The following SUGCT variants were observed in gnomAD, a reference collection of about 807,000 sequenced individuals.
SUGCT encodes succinyl-CoA:glutarate CoA-transferase.
In SUGCT, 41 loss-of-function variants were observed where a neutral mutation model predicts 55.0. The observed-to-expected ratio is 0.74, with a 90% CI of 0.58 to 0.97. SUGCT has a LOEUF of 0.97. SUGCT is among the 50% of genes least tolerant of loss of function. SUGCT has a pLI of 0.00. For missense variants in SUGCT, 568 were observed against 547.8 expected, an observed-to-expected ratio of 1.04 and a Z score of -0.37; for synonymous variants, 187 against 200.4, an observed-to-expected ratio of 0.93 and a Z score of 0.56.
At chr7:40,543,196 G>A (rs190606695) in intron 12 of SUGCT, among the ~76,000 whole-genome samples, 8 of 152,112 alleles carry the variant, frequency 5.3e-5, no homozygotes, top group African/African-American at 1.9e-4. Flanking sequence ...AAACATCTGG[G>A]ATTGGGCTTC....
At chr7:40,896,910 G>A in the SUGCT span, among the ~76,000 whole-genome samples, 7 of 151,974 alleles carry the variant, frequency 4.6e-5, no homozygotes, top group Non-Finnish European at 8.8e-5. Context: ...AAGCAATCTC[G>A]AACAAAAAGA....
intron 11 of SUGCT, among the ~76,000 whole-genome samples, chr7:40,465,082 C>T (rs1790030272): frequency 6.6e-6 from 1 of 152,168 alleles, no homozygotes; most frequent in African/African-American, 2.4e-5. Flanking sequence ...ATAAATAAAA[C>T]TAACAGCATT....
intron 13 of SUGCT, among the ~76,000 whole-genome samples, chr7:40,749,719 C>G (rs1787911481): frequency 1.3e-5 from 2 of 152,156 alleles, no homozygotes. Flanking sequence ...GCCACGATGA[C>G]AAAAAAATGC....
rs190565585 is a variant in SUGCT at position 40,449,560 on chromosome 7, C to T, written c.888+202C>T. Among the ~76,000 whole-genome samples the T allele has an allele frequency of 8.6e-3, 1,304 of 152,222 alleles. 20 individuals are homozygous for T. The highest frequency in any genetic ancestry group is 0.029 in the African/African-American group (1,224 of 41,536). ...TTGGCTGTATTTTAAAGTGAAGAAT[C>T]GTAGTAGCTTAAATTGTCCTAAAAC... On this transcript the variant is annotated intron_variant, in intron 10 of 13. Coordinates refer to ENST00000335693, the MANE Select transcript of SUGCT (RefSeq NM_001193313.2).
At chr7:40,925,259 A>G in the SUGCT span, among the ~76,000 whole-genome samples, 1 of 152,234 alleles carries the variant, frequency 6.6e-6, no homozygotes, top group African/African-American at 2.4e-5. Flanking sequence ...ATTCACACTG[A>G]AAATGGTTTC....
intron 8 of SUGCT, among the ~76,000 whole-genome samples, chr7:40,307,375 A>G (rs982863059): frequency 2.6e-5 from 4 of 152,194 alleles, no homozygotes; most frequent in Non-Finnish European, 5.9e-5. Context: ...TTCTTTACCA[A>G]GTAGTAAGTT....
intron 9 of SUGCT, among the ~76,000 whole-genome samples, chr7:40,317,807 A>C (rs1795521087): frequency 6.6e-6 from 1 of 152,190 alleles, no homozygotes; most frequent in South Asian, 2.1e-4. Flanking sequence ...ATTTGAGGAA[A>C]GCACTGACCC....
chr7:40,337,056 A>AT (rs1265432620), intron 9 of SUGCT, among the ~76,000 whole-genome samples: 1 of 152,036 alleles, frequency 6.6e-6, no homozygotes. Context: ...TAGTTGAGCG[A>AT]TTTTGAGTGA....
intron 8 of SUGCT, among the ~76,000 whole-genome samples, chr7:40,285,645 C>G (rs1293686643): frequency 2.6e-5 from 4 of 152,058 alleles, no homozygotes; most frequent in African/African-American, 9.7e-5. Flanking sequence ...ATTATGCCAT[C>G]ATTGTAGCTA....
chr7:41,022,414 GT>G, the SUGCT span, among the ~76,000 whole-genome samples: 7 of 152,122 alleles, frequency 4.6e-5, no homozygotes, highest in African/African-American at 1.7e-4. Context: ...ATGAATGGGA[GT>G]TTCTTCTTTA....
chr7:41,010,477 C>A, the SUGCT span, among the ~76,000 whole-genome samples: 4 of 152,324 alleles, frequency 2.6e-5, no homozygotes, highest in South Asian at 8.3e-4. Context: ...GAACTTGTTC[C>A]TTCTCTGTAG....
At chr7:40,973,875 C>G in the SUGCT span, among the ~76,000 whole-genome samples, 2 of 152,220 alleles carry the variant, frequency 1.3e-5, no homozygotes, top group Non-Finnish European at 2.9e-5. Context: ...GAGCTCCTCT[C>G]TCTTTCATCC....
At chr7:40,850,687 T>A (rs991747961) in intron 13 of SUGCT, among the ~76,000 whole-genome samples, 12 of 152,330 alleles carry the variant, frequency 7.9e-5, no homozygotes, top group African/African-American at 2.9e-4. Flanking sequence ...AAGTGCTTTT[T>A]ATGTAACACG....
chr7:40,907,432 G>A, the SUGCT span, among the ~76,000 whole-genome samples: 2 of 152,082 alleles, frequency 1.3e-5, no homozygotes, highest in African/African-American at 2.4e-5. Flanking sequence ...AATAATACTC[G>A]TTTAATATAG....
chr7:40,415,107 T>TCTAA (rs35308223), intron 9 of SUGCT, among the ~76,000 whole-genome samples: 12,832 of 102,708 alleles, frequency 0.12, 935 homozygotes, highest in Non-Finnish European at 0.13. Context: ...TATCTATCTA[T>TCTAA]CTATCTATAT....
At chr7:40,645,322 T>A (rs1800449324) in intron 12 of SUGCT, among the ~76,000 whole-genome samples, 1 of 152,158 alleles carries the variant, frequency 6.6e-6, no homozygotes, top group Non-Finnish European at 1.5e-5. Context: ...CAGAGCCTGG[T>A]GCTGTGGGCC....
At chr7:40,496,470 T>A in intron 12 of SUGCT, 84 bp downstream of exon 12, 2 of 900,842 alleles carry the variant, frequency 2.2e-6, no homozygotes, top group Non-Finnish European at 3.6e-6. Flanking sequence ...ATCGCAAGCT[T>A]AAGTCACATG....
intron 6 of SUGCT, among the ~76,000 whole-genome samples, chr7:40,209,304 G>A (rs903112849): frequency 1.0e-4 from 15 of 150,304 alleles, no homozygotes; most frequent in Admixed American, 9.3e-4. Context: ...TCAGGAATTA[G>A]AGATCAGCCT....
intron 12 of SUGCT, among the ~76,000 whole-genome samples, chr7:40,514,572 TG>T (rs1793128758): frequency 6.6e-6 from 1 of 151,728 alleles, no homozygotes; most frequent in Non-Finnish European, 1.5e-5. Context: ...TAGCCGTGTG[TG>T]GTGGCACATG....
Sources: gnomAD v4.1 joint callset for allele counts (sites outside exome capture counted in the v4.1 genomes callset) on GRCh38, gnomAD v4.1.1 for gene constraint, MANE v1.5 for transcripts, NCBI Gene and HGNC (gene_info 2026-07-23, HGNC 2026-07-21) for gene names.